DIXDC1: variants seen among roughly 807,000 people sequenced by gnomAD.
DIXDC1 encodes dixin.
In DIXDC1, 64 loss-of-function variants were observed where a neutral mutation model predicts 103.1. The observed-to-expected ratio is 0.62, with a 90% confidence interval of 0.51 to 0.76. DIXDC1 has a LOEUF of 0.76. Among genes scored for constraint, DIXDC1 ranks in the 30% least tolerant of loss-of-function variants. The pLI, the probability that DIXDC1 is intolerant of heterozygous loss-of-function variation, is 0.00. For missense variants in DIXDC1, 759 were observed against 834.2 expected, an observed-to-expected ratio of 0.91 and a Z score of 1.11; for synonymous variants, 266 against 298.5, an observed-to-expected ratio of 0.89 and a Z score of 1.12.
Position 112,017,564 on chromosome 11 carries a change from A to C in DIXDC1, c.1863-213A>C, listed in dbSNP as rs1176469540. On this transcript the variant is annotated intron_variant, in intron 18 of 19. Transcript: ENST00000440460. This position sits in a 1 kb window ranked among gnomAD's most constrained non-coding sequence, Gnocchi z 4.0. ...AGCAATAAGTCAATTTTAAATTCTC[A>C]CATCACCCCATATTTAATACTGTTT... The C allele has an allele frequency of 1.0e-4, 33 of 318,614 alleles. No homozygotes were observed. In the East Asian group the frequency reaches 1.7e-3, roughly 16 times the overall value. 19.7% of individuals were successfully genotyped at this position (318,614 alleles called of 1,614,324 possible).
At chr11:111,930,978 C>T (rs587596551) in intron 2 of DIXDC1, among the ~76,000 whole-genome samples, 3 of 151,572 alleles carry the variant, frequency 2.0e-5, no homozygotes, top group South Asian at 2.1e-4. Flanking sequence ...CTCAGCCTCC[C>T]GAGCAGCTGG....
intron 14 of DIXDC1, 105 bp from the exon 15 acceptor site, chr11:111,994,914 T>G: frequency 9.3e-7 from 1 of 1,069,852 alleles, no homozygotes; most frequent in Non-Finnish European, 1.4e-6. Context: ...AACAGACAAT[T>G]ATATACTTCA....
At chr11:112,016,331 C>T (rs1555177702) in intron 17 of DIXDC1, among the ~76,000 whole-genome samples, 1 of 152,106 alleles carries the variant, frequency 6.6e-6, no homozygotes, top group East Asian at 1.9e-4. Context: ...TACGGACCTC[C>T]AAAACCTAAA....
intron 17 of DIXDC1, among the ~76,000 whole-genome samples, chr11:112,003,866 C>T (rs1460842974): frequency 1.3e-5 from 2 of 151,500 alleles, no homozygotes; most frequent in African/African-American, 2.4e-5. Context: ...TTGATCATTA[C>T]ACATTGTATG....
At chr11:112,005,158 A>G (rs1342560604) in intron 17 of DIXDC1, among the ~76,000 whole-genome samples, 1 of 152,220 alleles carries the variant, frequency 6.6e-6, no homozygotes. Context: ...AGACTCAACT[A>G]CTGTTTATAG....
At chr11:111,929,830 C>T (rs1555167473) in exon 2 of DIXDC1, 5 of 1,527,536 alleles carry the variant, frequency 3.3e-6, no homozygotes, top group East Asian at 4.9e-5. Context: ...GGCCCTGATT[C>T]GTCTCTTCTA....
At chr11:112,001,754 ATTTT>A in intron 17 of DIXDC1, among the ~76,000 whole-genome samples, 1 of 134,084 alleles carries the variant, frequency 7.5e-6, no homozygotes, top group South Asian at 2.4e-4. Context: ...TTCAGCTGAG[ATTTT>A]TTTTTTTTTT....
intron 17 of DIXDC1, among the ~76,000 whole-genome samples, chr11:112,013,321 T>TGGGG (rs1403269609): frequency 1.5e-3 from 52 of 35,714 alleles, no homozygotes; most frequent in African/African-American, 2.2e-3. Flanking sequence ...GGTCGGGGGG[T>TGGGG]GGGGGTGGGG....
intron 1 of DIXDC1, among the ~76,000 whole-genome samples, chr11:111,953,801 C>T (rs1451667775): frequency 1.3e-5 from 2 of 152,180 alleles, no homozygotes; most frequent in African/African-American, 4.8e-5. Context: ...AGTATTTTGG[C>T]TGTGTACTGT....
At chr11:111,994,419 A>T (rs1454136209) in intron 14 of DIXDC1, among the ~76,000 whole-genome samples, 1 of 151,720 alleles carries the variant, frequency 6.6e-6, no homozygotes, top group Non-Finnish European at 1.5e-5. Flanking sequence ...ATATATTCAT[A>T]CATACATATA....
chr11:112,011,529 A>T (rs1861420342), intron 17 of DIXDC1, among the ~76,000 whole-genome samples: 1 of 152,232 alleles, frequency 6.6e-6, no homozygotes, highest in African/African-American at 2.4e-5. Flanking sequence ...CACTATTCAC[A>T]ATTGCAAAGA....
chr11:111,971,288 C>T (rs1276248394), intron 3 of DIXDC1, among the ~76,000 whole-genome samples: 1 of 152,112 alleles, frequency 6.6e-6, no homozygotes, highest in African/African-American at 2.4e-5. Context: ...AAACAAATAA[C>T]CCTATTGAAA....
At chr11:111,957,662 C>T (rs2137490333) in intron 1 of DIXDC1, among the ~76,000 whole-genome samples, 1 of 152,294 alleles carries the variant, frequency 6.6e-6, no homozygotes, top group East Asian at 1.9e-4. Flanking sequence ...CTGGCCAGCA[C>T]TCTTCAAAAT....
At position 111,993,751 on chromosome 11, in the gene DIXDC1, C is replaced by G. The variant is rs782647931; in HGVS notation, c.1437+11C>G. ...AGAGAGGCAGATGAGGTAACCTAGA[C>G]CCCGTGTTCTCCCTCCCACATTTAT... On this transcript the variant is annotated intron_variant, in intron 14 of 19. Transcript: ENST00000440460. The G allele has an allele frequency of 6.2e-7, 1 of 1,613,382 alleles. No homozygotes were observed. The highest frequency in any genetic ancestry group is 1.3e-5 in the African/African-American group (1 of 74,940).
intron 4 of DIXDC1, 97 bp downstream of exon 4, chr11:111,974,351 G>A: frequency 1.7e-6 from 2 of 1,190,260 alleles, no homozygotes; most frequent in East Asian, 2.6e-5. Context: ...CACCCAAACA[G>A]CCCCAGATTG....
chr11:111,988,863 C>G, intron 9 of DIXDC1, 142 bp from the exon 10 acceptor site: 1 of 644,942 alleles, frequency 1.6e-6, no homozygotes, highest in Non-Finnish European at 2.7e-6. Flanking sequence ...CTCACTGAAC[C>G]AGAGCTGTTT....
In DIXDC1 at chr11:111,993,376, G is replaced by GTTTCCTCA. The variant is rs1476531220; in HGVS notation, c.1273-120_1273-119insTTTCCTCA. 134 of 979,730 alleles carry GTTTCCTCA rather than the reference G, an allele frequency of 1.4e-4. 1 individual carries two copies. In the African/African-American group the frequency reaches 2.0e-3, roughly 15 times the overall value. 60.7% of individuals were successfully genotyped at this position (979,730 alleles called of 1,614,324 possible). A position where few individuals can be genotyped will look rare whatever the true frequency, so the allele number is the denominator to read the frequency against. On this transcript the variant is annotated intron_variant, in intron 12 of 19. Transcript: ENST00000440460. ...TGTGTAAAGTCTTCCTGGTATATTTGAGGAAAGGACTTTTTTTCCTGAGGC... is the reference window on the plus strand; with the variant it reads ...TGTGTAAAGTCTTCCTGGTATATTTGTTTCCTCAAGGAAAGGACTTTTTTTCCTGAGGC...
In DIXDC1 at chr11:111,948,537, C is replaced by T. The variant is rs587743201; in HGVS notation, c.60+10978C>T. On this transcript the variant is annotated intron_variant, in intron 1 of 19. Coordinates refer to ENST00000440460, the MANE Select transcript of DIXDC1 (RefSeq NM_001037954.4). ...CTGCTCATGGCCCAGTCCTGCTGAG[C>T]AGGTCTAGAGCAAATCATACAACCT... 1.2e-3 allele frequency among the ~76,000 whole-genome samples: 176 copies of T among 151,890 alleles called. 1 individual carries two copies. Among genetic ancestry groups the T allele is most frequent in the African/African-American group, 3.8e-3 (158 of 41,380 alleles).
intron 6 of DIXDC1, among the ~76,000 whole-genome samples, chr11:111,981,985 A>G (rs1555173269): frequency 6.6e-6 from 1 of 152,192 alleles, no homozygotes; most frequent in Admixed American, 6.5e-5. Flanking sequence ...TTTTCATTGC[A>G]TCTGACAGCT....
Sources: gnomAD v4.1 joint callset for allele counts (sites outside exome capture counted in the v4.1 genomes callset) on GRCh38, gnomAD v4.1.1 for gene constraint, Gnocchi (gnomAD v3.1) non-coding constraint, MANE v1.5 for transcripts, NCBI Gene and HGNC (gene_info 2026-07-23, HGNC 2026-07-21) for gene names.